Variants in PCDH11X observed in about 807,000 individuals in gnomAD.
PCDH11X encodes the protein protocadherin-11 X-linked.
In PCDH11X, 18 loss-of-function variants were observed where a neutral mutation model predicts 53.3. That is an observed-to-expected ratio of 0.34 (90% confidence interval 0.23 to 0.50). The LOEUF (loss-of-function observed/expected upper bound fraction) is 0.50, where lower values mean the gene tolerates loss of function less well. Among genes scored for constraint, PCDH11X ranks in the 20% least tolerant of loss-of-function variants. The pLI is 0.98. For missense variants in PCDH11X, 570 were observed against 1,032.4 expected, an observed-to-expected ratio of 0.55 and a Z score of 6.14; for synonymous variants, 279 against 393.3, an observed-to-expected ratio of 0.71 and a Z score of 3.44.
chrX:91,863,428 T>C (rs995499064), intron 5 of PCDH11X, among the ~76,000 whole-genome samples: 36 of 111,989 alleles, frequency 3.2e-4, no homozygotes, highest in South Asian at 3.7e-4. Context: ...ACCTGCTCTT[T>C]TTTGTTTTCC....
intron 6 of PCDH11X, among the ~76,000 whole-genome samples, chrX:91,935,840 A>G (rs1319436539): frequency 1.8e-5 from 2 of 108,204 alleles, no homozygotes; most frequent in Non-Finnish European, 3.8e-5. Flanking sequence ...GGCCATAGGT[A>G]GATTCAAACA....
chrX:92,613,404 G>T (rs1328444940), intron 10 of PCDH11X, among the ~76,000 whole-genome samples: 2 of 110,892 alleles, frequency 1.8e-5, no homozygotes, highest in Non-Finnish European at 1.9e-5. Flanking sequence ...TTGTTTTTAA[G>T]AATATTAAAA....
rs376988775 is a variant in PCDH11X at position 92,098,374 on chromosome X, G to C, written c.3034-103001G>C. ...CACAAAACTAATAATGAACATGATT[G>C]TGATACCATATACCTTCATTTCTAT... On this transcript the variant is annotated intron_variant, in intron 6 of 10. Transcript: ENST00000682573. Among the ~76,000 whole-genome samples the C allele has an allele frequency of 1.4e-4, 16 of 111,527 alleles. No individual in the cohort carries two copies. In the East Asian group the frequency reaches 4.0e-3, roughly 28 times the overall value.
rs1239075717 is a variant in PCDH11X, at chrX:92,621,939, G to GTAT, written c.*3002_*3004dup. ...TGTGATTATTAATTTTCTAGCTATG[G>GTAT]TATTACTATATCACACTTGTGAGTA... On this transcript the variant is annotated 3_prime_UTR_variant, in exon 11 of 11. Coordinates refer to ENST00000682573, the MANE Select transcript of PCDH11X (RefSeq NM_032968.5). 1.9e-5 allele frequency: 2 copies of GTAT among 106,049 alleles called. No homozygotes were observed. The highest frequency in any genetic ancestry group is 3.9e-5 in the Non-Finnish European group (2 of 51,548). The allele number at this position is 106,049 out of a possible 1,213,427, so 8.7% of individuals were successfully genotyped here.
At chrX:92,428,511 T>A (rs2072177383) in intron 9 of PCDH11X, among the ~76,000 whole-genome samples, 1 of 111,389 alleles carries the variant, frequency 9.0e-6, no homozygotes, top group South Asian at 3.8e-4. Context: ...TAACACTTCA[T>A]GCCATGGCCC....
chrX:92,257,425 C>CATTA (rs2067617719), intron 7 of PCDH11X, among the ~76,000 whole-genome samples: 1 of 111,568 alleles, frequency 9.0e-6, no homozygotes, highest in Non-Finnish European at 1.9e-5. Context: ...TGCTTCCCAA[C>CATTA]AGTCCCCCAG....
chrX:92,156,202 G>A lies in PCDH11X; in HGVS notation c.3034-45173G>A, dbSNP rs777514285. Among the ~76,000 whole-genome samples the A allele has an allele frequency of 2.8e-5, 3 of 107,353 alleles. No individual in the cohort carries two copies. In the East Asian group the frequency reaches 8.7e-4, roughly 31 times the overall value. 93.2% of individuals were successfully genotyped at this position (107,353 alleles called of 115,157 possible). ...GTACACTCTTAAGAGGGCACAACCT[G>A]CACCCGCTCCAGTTACCTCTCAGAC... On this transcript the variant is annotated intron_variant, in intron 6 of 10. Coordinates refer to ENST00000682573, the MANE Select transcript of PCDH11X (RefSeq NM_032968.5).
intron 6 of PCDH11X, among the ~76,000 whole-genome samples, chrX:92,088,538 C>A (rs898859909): frequency 3.0e-4 from 33 of 110,169 alleles, no homozygotes; most frequent in Admixed American, 2.9e-4. Context: ...ATTACTTTTG[C>A]TTATTACAAT....
intron 8 of PCDH11X, among the ~76,000 whole-genome samples, chrX:92,287,784 C>A (rs1398209717): frequency 1.8e-5 from 2 of 111,896 alleles, no homozygotes; most frequent in East Asian, 2.8e-4. Flanking sequence ...CCACCCAAAT[C>A]TCATGTTGAA....
chrX:92,100,319 G>A (rs1388147602), intron 6 of PCDH11X, among the ~76,000 whole-genome samples: 6 of 111,028 alleles, frequency 5.4e-5, no homozygotes, highest in African/African-American at 2.0e-4. Context: ...GGGTGCAGGC[G>A]GGCTCAGTCC....
At chrX:92,275,939 T>C (rs368759630) in intron 8 of PCDH11X, among the ~76,000 whole-genome samples, 58 of 109,559 alleles carry the variant, frequency 5.3e-4, no homozygotes, top group East Asian at 4.6e-3. Context: ...AAGAGGAGGA[T>C]GCAAAGGAGG....
intron 6 of PCDH11X, among the ~76,000 whole-genome samples, chrX:92,198,711 CTT>C (rs2066339890): frequency 5.4e-5 from 6 of 111,040 alleles, no homozygotes; most frequent in Admixed American, 3.9e-4. Flanking sequence ...TCATGAAAGA[CTT>C]TATATATTTT....
chrX:92,617,601 A>T (rs1232936053), intron 10 of PCDH11X, among the ~76,000 whole-genome samples: 4 of 110,218 alleles, frequency 3.6e-5, no homozygotes, highest in Non-Finnish European at 7.6e-5. Context: ...ATATCTATTG[A>T]CATTTGAAGA....
chrX:92,301,515 T>G (rs1388481100), intron 8 of PCDH11X, among the ~76,000 whole-genome samples: 2 of 110,719 alleles, frequency 1.8e-5, no homozygotes, highest in African/African-American at 6.6e-5. Flanking sequence ...CAGTTCTCGC[T>G]GCTACCTCAA....
chrX:92,507,353 G>T (rs1603351329), intron 10 of PCDH11X, among the ~76,000 whole-genome samples: 1 of 110,693 alleles, frequency 9.0e-6, no homozygotes, highest in East Asian at 2.9e-4. Flanking sequence ...CTTGGTGTGG[G>T]TGTTTAGGGC....
intron 7 of PCDH11X, among the ~76,000 whole-genome samples, chrX:92,234,023 T>C (rs2067127957): frequency 8.9e-6 from 1 of 112,106 alleles, no homozygotes; most frequent in Non-Finnish European, 1.9e-5. Context: ...AACCTTGATG[T>C]TGAAGGATGT....
chrX:91,874,455 G>A (rs900406781), intron 5 of PCDH11X, among the ~76,000 whole-genome samples: 3 of 111,523 alleles, frequency 2.7e-5, no homozygotes, highest in Non-Finnish European at 3.8e-5. Context: ...GAATGCTCAC[G>A]TTTATTGTAT....
At chrX:92,040,949 GA>G (rs1253990187) in intron 6 of PCDH11X, among the ~76,000 whole-genome samples, 1 of 98,802 alleles carries the variant, frequency 1.0e-5, no homozygotes, top group African/African-American at 3.7e-5. Context: ...ATCTGCACAT[GA>G]AAAAAAGAGA....
intron 6 of PCDH11X, among the ~76,000 whole-genome samples, chrX:92,161,189 C>T (rs1211925976): frequency 5.4e-5 from 6 of 111,676 alleles, no homozygotes; most frequent in Non-Finnish European, 1.1e-4. Flanking sequence ...CTCCTTTTAG[C>T]AGTTCTTGTA....
Sources: gnomAD v4.1 joint callset for allele counts (sites outside exome capture counted in the v4.1 genomes callset) on GRCh38, gnomAD v4.1.1 for gene constraint, MANE v1.5 for transcripts, NCBI Gene and HGNC (gene_info 2026-07-23, HGNC 2026-07-21) for gene names.